The following RGS6 variants were observed in gnomAD, a reference collection of about 807,000 sequenced individuals.
The protein encoded by RGS6 is regulator of G protein signaling 6.
Under a neutral mutation model 78.5 loss-of-function variants are expected in RGS6, and 30 were observed. The ratio of observed to expected loss-of-function variants is 0.38; its 90% CI spans 0.29 to 0.52. The LOEUF (loss-of-function observed/expected upper bound fraction) is 0.52. Ranked by LOEUF, RGS6 falls within the 20% of genes least tolerant of loss-of-function variation. RGS6 has a pLI of 0.85. For missense variants in RGS6, 495 were observed against 609.7 expected, an observed-to-expected ratio of 0.81 and a Z score of 1.98; for synonymous variants, 206 against 206.0, an observed-to-expected ratio of 1.00 and a Z score of 0.00.
At position 72,478,283 on chromosome 14, in the gene RGS6, G is replaced by A. The variant is rs201332240; in HGVS notation, c.808G>A (p.Ala270Thr). Reference sequence around the variant, plus strand: ...ATTTTCCCAGATAACATTTTTGAACGCACAGATCGACAGACATTGTTTGAA... The same window carrying A: ...ATTTTCCCAGATAACATTTTTGAACACACAGATCGACAGACATTGTTTGAA... Reference protein sequence around the residue: ...DIRKQITFLNAQIDRHCLKMS... With the variant: ...DIRKQITFLNTQIDRHCLKMS... Residue 270 changes from alanine (A) to threonine (T), a missense_variant, in exon 12 of 18, where the codon GCA (alanine) becomes ACA (threonine). Ala to Thr is a moderately conservative substitution (Grantham distance 58). Transcript: ENST00000553525. 25 of 1,612,146 alleles carry A rather than the reference G, an allele frequency of 1.6e-5. No individual in the cohort carries two copies. Among genetic ancestry groups the A allele is most frequent in the South Asian group, 3.3e-5 (3 of 90,930 alleles).
the RGS6 span, chr14:72,620,082 T>A: frequency 8.0e-7 from 1 of 1,249,342 alleles, no homozygotes; most frequent in Non-Finnish European, 1.1e-6. Context: ...TCCACGTCGG[T>A]CTCACTGGAT....
intron 2 of RGS6, among the ~76,000 whole-genome samples, chr14:72,143,052 A>G (rs760698959): frequency 2.6e-5 from 4 of 152,116 alleles, no homozygotes; most frequent in Non-Finnish European, 5.9e-5. Context: ...TACATGAGGA[A>G]AAAGATGGAG....
rs181211226 is a variant in RGS6 at position 72,357,562 on chromosome 14, A to T, written c.184+5368A>T. 7.9e-5 allele frequency among the ~76,000 whole-genome samples: 12 copies of T among 152,352 alleles called. No homozygotes were observed. In the East Asian group the frequency reaches 2.3e-3, roughly 29 times the overall value. ...AACTGGAGCAAAGATAACCCTCGTT[A>T]TGCTGTAGCAAAGTCAGGTGGCATT... On this transcript the variant is annotated intron_variant, in intron 3 of 17. Transcript: ENST00000553525.
chr14:72,313,166 A>G (rs1379954504), intron 2 of RGS6, among the ~76,000 whole-genome samples: 2 of 152,184 alleles, frequency 1.3e-5, no homozygotes, highest in African/African-American at 2.4e-5. Context: ...CATCTCCCTC[A>G]TAGAGGAGTT....
the RGS6 span, among the ~76,000 whole-genome samples, chr14:72,608,080 G>A: frequency 3.9e-5 from 6 of 152,218 alleles, no homozygotes; most frequent in African/African-American, 1.4e-4. Context: ...TCGAGACCAG[G>A]GAGCTCATGT....
chr14:72,196,901 T>A (rs2040302331), intron 2 of RGS6, among the ~76,000 whole-genome samples: 1 of 152,202 alleles, frequency 6.6e-6, no homozygotes, highest in Non-Finnish European at 1.5e-5. Context: ...GTTGGGCAAA[T>A]GTTTTTGAGA....
upstream of RGS6, among the ~76,000 whole-genome samples, chr14:71,929,684 G>T (rs2152920600): frequency 6.6e-6 from 1 of 152,228 alleles, no homozygotes; most frequent in Non-Finnish European, 1.5e-5. Flanking sequence ...ATTTATTGAT[G>T]ATTCTGGCCT....
At chr14:71,989,052 C>A (rs548557431) in intron 2 of RGS6, among the ~76,000 whole-genome samples, 11 of 152,342 alleles carry the variant, frequency 7.2e-5, no homozygotes, top group African/African-American at 2.6e-4. Context: ...ATTCCACTTG[C>A]TGGCTGGCTA....
In RGS6 at chr14:72,478,302, G is replaced by A. The variant is rs2096287457; in HGVS notation, c.827G>A (p.Cys276Tyr). 2 of 1,612,342 alleles carry A rather than the reference G, an allele frequency of 1.2e-6. No individual in the cohort carries two copies. The highest frequency in any genetic ancestry group is 2.2e-5 in the East Asian group (1 of 44,896). ...TFLNAQIDRH[C>Y]LKMSKVAESL... ...TTGAACGCACAGATCGACAGACATTGTTTGAAAATGTCCAAAGTGGCTGAA... is the reference window on the plus strand; with the variant it reads ...TTGAACGCACAGATCGACAGACATTATTTGAAAATGTCCAAAGTGGCTGAA... Residue 276 changes from cysteine to tyrosine, a missense_variant, in exon 12 of 18, where the codon TGT (cysteine) becomes TAT (tyrosine). Cys to Tyr is a radical substitution (Grantham distance 194). Coordinates refer to ENST00000553525, the MANE Select transcript of RGS6 (RefSeq NM_001204424.2).
intron 17 of RGS6, among the ~76,000 whole-genome samples, chr14:72,548,286 G>C (rs976407911): frequency 6.6e-6 from 1 of 151,674 alleles, no homozygotes; most frequent in African/African-American, 2.4e-5. Context: ...CCGCAGCTGG[G>C]ATGATGGGTC....
At chr14:72,122,109 T>A (rs2096066217) in intron 2 of RGS6, among the ~76,000 whole-genome samples, 1 of 152,178 alleles carries the variant, frequency 6.6e-6, no homozygotes, top group African/African-American at 2.4e-5. Context: ...GTATAGAAGA[T>A]AATAGATCAA....
At chr14:72,605,363 A>AT in the RGS6 span, among the ~76,000 whole-genome samples, 1 of 152,240 alleles carries the variant, frequency 6.6e-6, no homozygotes, top group Non-Finnish European at 1.5e-5. Flanking sequence ...GGGCGCTTGC[A>AT]CGCAGAGGAG....
chr14:72,610,895 G>A, the RGS6 span, among the ~76,000 whole-genome samples: 1 of 152,228 alleles, frequency 6.6e-6, no homozygotes, highest in Admixed American at 6.5e-5. Flanking sequence ...TCCACCAGCA[G>A]GGCCATTCAG....
At chr14:72,157,667 C>T (rs1216983763) in intron 2 of RGS6, among the ~76,000 whole-genome samples, 1 of 152,012 alleles carries the variant, frequency 6.6e-6, no homozygotes. Context: ...TGGAGGTTTT[C>T]GGACAGGCGG....
chr14:72,615,226 C>A, the RGS6 span, among the ~76,000 whole-genome samples: 14 of 152,220 alleles, frequency 9.2e-5, no homozygotes, highest in East Asian at 2.7e-3. Context: ...CCGCCCTGGG[C>A]CACGGGCGGC....
chr14:72,569,868 G>C (rs992697174), downstream of RGS6, among the ~76,000 whole-genome samples: 1 of 152,220 alleles, frequency 6.6e-6, no homozygotes, highest in East Asian at 1.9e-4. Flanking sequence ...AGAGCAGAGA[G>C]AGTTGGAGGA....
intron 2 of RGS6, among the ~76,000 whole-genome samples, chr14:72,287,665 C>T (rs779885535): frequency 6.6e-6 from 1 of 152,168 alleles, no homozygotes; most frequent in East Asian, 1.9e-4. Flanking sequence ...ACCATGTTGG[C>T]CAGGCTGGTC....
chr14:72,258,340 G>A (rs1303533214), intron 2 of RGS6, among the ~76,000 whole-genome samples: 7 of 152,190 alleles, frequency 4.6e-5, no homozygotes, highest in East Asian at 1.9e-4. Context: ...TCAGTTCCAC[G>A]TCTAGCCCAT....
intron 2 of RGS6, among the ~76,000 whole-genome samples, chr14:72,034,193 A>G (rs749943654): frequency 6.6e-6 from 1 of 152,034 alleles, no homozygotes; most frequent in Non-Finnish European, 1.5e-5. Context: ...TTGGGTTAGG[A>G]CTTCTAGTAC....
Sources: allele counts gnomAD v4.1 joint callset (sites outside exome capture counted in the v4.1 genomes callset), GRCh38; gene constraint gnomAD v4.1.1; transcripts MANE v1.5; gene names NCBI Gene and HGNC (gene_info 2026-07-23, HGNC 2026-07-21).